TOX: variants seen among roughly 807,000 people sequenced by gnomAD.
The protein encoded by TOX is thymocyte selection-associated high mobility group box protein TOX.
In TOX, 11 loss-of-function variants were observed where a neutral mutation model predicts 53.7. The ratio of observed to expected loss-of-function variants is 0.20; its 90% CI spans 0.13 to 0.34. TOX has a LOEUF of 0.34. Ranked by LOEUF, TOX falls within the 10% of genes least tolerant of loss-of-function variation. The pLI is 1.00. For missense variants in TOX, 570 were observed against 664.6 expected (o/e 0.86, Z 1.56); for synonymous variants, 225 against 245.3 (o/e 0.92, Z 0.77).
intron 3 of TOX, among the ~76,000 whole-genome samples, chr8:58,894,077 C>G (rs1811601584): frequency 6.6e-6 from 1 of 152,216 alleles, no homozygotes; most frequent in Non-Finnish European, 1.5e-5. Flanking sequence ...AAGAATGCCT[C>G]TGTTGTTTTT....
At chr8:58,890,409 G>A (rs779892954) in intron 3 of TOX, among the ~76,000 whole-genome samples, 5 of 152,090 alleles carry the variant, frequency 3.3e-5, no homozygotes, top group South Asian at 2.1e-4. Flanking sequence ...AGCAGAAGTC[G>A]GGAAAGTAGA....
chr8:58,932,389 T>G (rs954077176), intron 3 of TOX, among the ~76,000 whole-genome samples: 1 of 152,194 alleles, frequency 6.6e-6, no homozygotes, highest in African/African-American at 2.4e-5. Context: ...AAATTATTTT[T>G]TATGGCTTAT....
chr8:59,063,914 TC>T, intron 1 of TOX, among the ~76,000 whole-genome samples: 1 of 147,548 alleles, frequency 6.8e-6, no homozygotes, highest in Admixed American at 6.7e-5. Context: ...GTGTGTGTGT[TC>T]GTGTGTGTGT....
At chr8:58,940,611 T>A (rs1269408376) in intron 2 of TOX, among the ~76,000 whole-genome samples, 1 of 152,040 alleles carries the variant, frequency 6.6e-6, no homozygotes, top group Non-Finnish European at 1.5e-5. Context: ...AAATTAAGAG[T>A]GAGCCTTCAT....
At chr8:58,967,310 T>C (rs1812922570) in intron 1 of TOX, among the ~76,000 whole-genome samples, 1 of 152,166 alleles carries the variant, frequency 6.6e-6, no homozygotes, top group Non-Finnish European at 1.5e-5. Flanking sequence ...TATGAAGCCA[T>C]TTAATTTTTG....
At chr8:58,984,133 G>C (rs1470368410) in intron 1 of TOX, among the ~76,000 whole-genome samples, 1 of 152,116 alleles carries the variant, frequency 6.6e-6, no homozygotes, top group Non-Finnish European at 1.5e-5. Context: ...GTGACTCCAA[G>C]AACACAGGGA....
intron 3 of TOX, among the ~76,000 whole-genome samples, chr8:58,904,564 C>CATGA (rs1563385023): frequency 6.6e-6 from 1 of 152,148 alleles, no homozygotes; most frequent in Non-Finnish European, 1.5e-5. Flanking sequence ...ACAAGCTCTA[C>CATGA]CCTGTATTCC....
At chr8:58,913,959 G>A (rs1234061502) in intron 3 of TOX, among the ~76,000 whole-genome samples, 4 of 152,224 alleles carry the variant, frequency 2.6e-5, no homozygotes, top group Admixed American at 1.3e-4. Flanking sequence ...TGGAGAGCAC[G>A]CGCTGAAAGT....
At chr8:58,819,085 T>C (rs1186725855) in intron 6 of TOX, among the ~76,000 whole-genome samples, 2 of 152,244 alleles carry the variant, frequency 1.3e-5, no homozygotes, top group Non-Finnish European at 2.9e-5. Flanking sequence ...TCATTTTCAG[T>C]GGCAAACTGC....
chr8:58,935,383 C>G (rs969600783), intron 3 of TOX, among the ~76,000 whole-genome samples: 1 of 152,160 alleles, frequency 6.6e-6, no homozygotes, highest in Non-Finnish European at 1.5e-5. Context: ...ACAGTACTAA[C>G]AGCAAAAGGC....
At chr8:58,819,703 C>G (rs932011973) in intron 6 of TOX, among the ~76,000 whole-genome samples, 1 of 152,082 alleles carries the variant, frequency 6.6e-6, no homozygotes, top group Non-Finnish European at 1.5e-5. Flanking sequence ...ATAAATTTCC[C>G]CATTCTGGGA....
At chr8:58,853,965 G>A (rs1810867870) in intron 3 of TOX, among the ~76,000 whole-genome samples, 1 of 152,120 alleles carries the variant, frequency 6.6e-6, no homozygotes. Context: ...CTCAAGTCCT[G>A]TATGTTTTTA....
intron 1 of TOX, among the ~76,000 whole-genome samples, chr8:59,069,910 G>A (rs13270270): frequency 0.01 from 1,531 of 152,286 alleles, 13 homozygotes; most frequent in South Asian, 0.019. Context: ...AGTGTGAAGG[G>A]CACTGAGGAG....
At chr8:59,115,917 C>T (rs1805092040) in intron 1 of TOX, among the ~76,000 whole-genome samples, 1 of 151,906 alleles carries the variant, frequency 6.6e-6, no homozygotes. Flanking sequence ...CCAAAAATGC[C>T]TCCTCCAGAG....
intron 1 of TOX, among the ~76,000 whole-genome samples, chr8:59,010,795 A>C (rs1282164131): frequency 6.6e-6 from 1 of 152,174 alleles, no homozygotes; most frequent in Non-Finnish European, 1.5e-5. Flanking sequence ...TAGAGACACA[A>C]CTCCTATTAA....
At chr8:59,012,273 A>G (rs1003191048) in intron 1 of TOX, among the ~76,000 whole-genome samples, 2 of 152,122 alleles carry the variant, frequency 1.3e-5, no homozygotes, top group African/African-American at 2.4e-5. Flanking sequence ...CAGTCAGATG[A>G]TATGTTTGTA....
At chr8:58,955,284 T>C (rs555382129) in intron 2 of TOX, among the ~76,000 whole-genome samples, 2 of 152,100 alleles carry the variant, frequency 1.3e-5, no homozygotes, top group Non-Finnish European at 2.9e-5. Flanking sequence ...CCAGGATATT[T>C]AATATTTAGG....
At chr8:58,975,835 T>A (rs7845594) in intron 1 of TOX, among the ~76,000 whole-genome samples, 5,364 of 152,028 alleles carry the variant, frequency 0.035, 278 homozygotes, top group African/African-American at 0.12. Context: ...GCACTCTGGG[T>A]GGCCGAGGCG....
At chr8:58,817,165 G>A (rs1169679481) in intron 6 of TOX, among the ~76,000 whole-genome samples, 1 of 152,064 alleles carries the variant, frequency 6.6e-6, no homozygotes, top group African/African-American at 2.4e-5. Context: ...ATAAAGTAAG[G>A]TGTACTGAAA....
Sources: gnomAD v4.1 joint callset for allele counts (sites outside exome capture counted in the v4.1 genomes callset) on GRCh38, gnomAD v4.1.1 for gene constraint, MANE v1.5 for transcripts, NCBI Gene and HGNC (gene_info 2026-07-23, HGNC 2026-07-21) for gene names.